Variants in UST observed in about 807,000 individuals in gnomAD.
UST encodes the protein uronyl 2-sulfotransferase.
In UST, 21 loss-of-function variants were observed where a neutral mutation model predicts 45.6. The observed-to-expected ratio is 0.46, with a 90% confidence interval of 0.33 to 0.66. The LOEUF (loss-of-function observed/expected upper bound fraction) is 0.66, where lower values mean the gene tolerates loss of function less well. Among genes scored for constraint, UST ranks in the 30% least tolerant of loss-of-function variants. UST has a pLI of 0.02. For missense variants in UST, 463 were observed against 512.4 expected, an observed-to-expected ratio of 0.90 and a Z score of 0.93; for synonymous variants, 215 against 200.6, an observed-to-expected ratio of 1.07 and a Z score of -0.61.
At chr6:149,004,178 A>G (rs1781604389) in intron 5 of UST, among the ~76,000 whole-genome samples, 2 of 152,014 alleles carry the variant, frequency 1.3e-5, no homozygotes, top group Non-Finnish European at 2.9e-5. Context: ...CGAAAAACCT[A>G]CTCTTCCCCT....
At chr6:148,947,382 G>A (rs1290208100) in intron 3 of UST, among the ~76,000 whole-genome samples, 2 of 152,202 alleles carry the variant, frequency 1.3e-5, no homozygotes, top group African/African-American at 4.8e-5. Context: ...CACAATATGT[G>A]TATTCAGGTC....
At chr6:148,975,845 G>A (rs1323543716) in intron 5 of UST, among the ~76,000 whole-genome samples, 1 of 152,184 alleles carries the variant, frequency 6.6e-6, no homozygotes, top group African/African-American at 2.4e-5. Flanking sequence ...GCTGTGAGTT[G>A]TCTATCCTGT....
At chr6:148,885,245 G>T (rs1778891775) in intron 1 of UST, among the ~76,000 whole-genome samples, 1 of 152,126 alleles carries the variant, frequency 6.6e-6, no homozygotes, top group South Asian at 2.1e-4. Context: ...AGAACATGCT[G>T]GTGTGTGCTG....
intron 1 of UST, among the ~76,000 whole-genome samples, chr6:148,885,926 A>G (rs1372686100): frequency 1.3e-5 from 2 of 152,218 alleles, no homozygotes; most frequent in East Asian, 3.9e-4. Flanking sequence ...ATGATTTTCT[A>G]CATTTCATTC....
chr6:148,824,321 G>T (rs1253157540), intron 1 of UST, among the ~76,000 whole-genome samples: 1 of 152,190 alleles, frequency 6.6e-6, no homozygotes. Context: ...CAAGATCTAT[G>T]TCCCAGTCAC....
chr6:149,000,404 G>A (rs1781525254), intron 5 of UST, among the ~76,000 whole-genome samples: 1 of 152,124 alleles, frequency 6.6e-6, no homozygotes, highest in African/African-American at 2.4e-5. Flanking sequence ...GAGTCCGGAT[G>A]GTAGAAGCCA....
intron 5 of UST, among the ~76,000 whole-genome samples, chr6:148,985,886 G>A (rs1781230030): frequency 6.6e-6 from 1 of 152,148 alleles, no homozygotes; most frequent in Non-Finnish European, 1.5e-5. Flanking sequence ...AGATGAGATT[G>A]GATGTGCAAG....
intron 5 of UST, among the ~76,000 whole-genome samples, chr6:148,982,265 A>AT (rs1562320200): frequency 1.3e-5 from 2 of 152,084 alleles, no homozygotes; most frequent in South Asian, 2.1e-4. Context: ...CACCTGGCTA[A>AT]TTTTTTTATT....
intron 1 of UST, among the ~76,000 whole-genome samples, chr6:148,797,091 C>T (rs1486282232): frequency 6.6e-6 from 1 of 152,084 alleles, no homozygotes; most frequent in African/African-American, 2.4e-5. Flanking sequence ...CCGCGCCCAA[C>T]CTTCTCCGAT....
intron 1 of UST, among the ~76,000 whole-genome samples, chr6:148,774,000 T>A (rs1167336499): frequency 1.3e-5 from 2 of 152,226 alleles, no homozygotes; most frequent in Non-Finnish European, 2.9e-5. Flanking sequence ...GACTCTATGC[T>A]GGTGTCAAAC....
chr6:148,930,726 T>G (rs1012330441), intron 2 of UST, among the ~76,000 whole-genome samples: 1 of 152,148 alleles, frequency 6.6e-6, no homozygotes, highest in Non-Finnish European at 1.5e-5. Flanking sequence ...AGTTACACGG[T>G]GCAGGGATAG....
At chr6:149,058,967 G>A (rs544568447) in intron 7 of UST, among the ~76,000 whole-genome samples, 27 of 152,266 alleles carry the variant, frequency 1.8e-4, no homozygotes, top group African/African-American at 4.8e-4. Context: ...TGTATTTACC[G>A]TAGCACATAC....
At chr6:149,023,696 CAG>C (rs1562332316) in intron 7 of UST, among the ~76,000 whole-genome samples, 7 of 151,990 alleles carry the variant, frequency 4.6e-5, no homozygotes, top group Non-Finnish European at 1.5e-5. Context: ...AAACCCAGCA[CAG>C]GGGTTGTGGA....
At chr6:148,984,387 G>T (rs532044405) in intron 5 of UST, among the ~76,000 whole-genome samples, 12 of 152,166 alleles carry the variant, frequency 7.9e-5, no homozygotes, top group African/African-American at 2.9e-4. Flanking sequence ...GAGAACAGGG[G>T]TGTGATATGA....
chr6:148,926,933 A>G (rs1215868643), intron 2 of UST, among the ~76,000 whole-genome samples: 2 of 146,850 alleles, frequency 1.4e-5, no homozygotes, highest in African/African-American at 5.3e-5. Flanking sequence ...ATAGTTAGTA[A>G]TAGGTTTGAA....
At chr6:149,007,587 C>G (rs1451028861) in intron 5 of UST, among the ~76,000 whole-genome samples, 1 of 150,682 alleles carries the variant, frequency 6.6e-6, no homozygotes, top group Non-Finnish European at 1.5e-5. Context: ...CGCGCCTGGC[C>G]TTTTTTTTGT....
At chr6:148,875,113 G>T (rs1004925609) in intron 1 of UST, among the ~76,000 whole-genome samples, 1 of 152,244 alleles carries the variant, frequency 6.6e-6, no homozygotes, top group African/African-American at 2.4e-5. Context: ...GAAAGGAATT[G>T]CTTGTGTTTG....
chr6:148,835,533 G>T (rs1038028723), intron 1 of UST, among the ~76,000 whole-genome samples: 9 of 152,128 alleles, frequency 5.9e-5, no homozygotes, highest in Admixed American at 5.2e-4. Context: ...GTCTTGGCTT[G>T]TTAAGGTTTA....
intron 2 of UST, among the ~76,000 whole-genome samples, chr6:148,913,875 A>G (rs1779528559): frequency 1.3e-5 from 2 of 152,348 alleles, no homozygotes; most frequent in Admixed American, 1.3e-4. Context: ...AAAGCCCTAT[A>G]TACATTAATC....
Sources: gnomAD v4.1 joint callset for allele counts (sites outside exome capture counted in the v4.1 genomes callset) on GRCh38, gnomAD v4.1.1 for gene constraint, MANE v1.5 for transcripts, NCBI Gene and HGNC (gene_info 2026-07-23, HGNC 2026-07-21) for gene names.